Variants in CFDP1 observed in about 807,000 individuals in gnomAD.
The protein encoded by CFDP1 is chromatin remodeling protein CFDP1, also known as heterochromatin-stabilizing protein CFDP1.
CFDP1 carries 31 observed loss-of-function variants against 40.1 expected under a neutral mutation model. The observed-to-expected ratio is 0.77, with a 90% confidence interval of 0.58 to 1.04. CFDP1 has a LOEUF of 1.04. Ranked by LOEUF, CFDP1 falls within the 50% of genes least tolerant of loss-of-function variation. The pLI is 0.00. For missense variants in CFDP1, 423 were observed against 343.4 expected (o/e 1.23, Z -1.83); for synonymous variants, 167 against 120.0 (o/e 1.39, Z -2.56).
intron 1 of CFDP1, among the ~76,000 whole-genome samples, chr16:75,432,929 G>A (rs1028859924): frequency 2.0e-5 from 3 of 152,178 alleles, no homozygotes; most frequent in African/African-American, 7.2e-5. Flanking sequence ...TCTCGGGCCA[G>A]GGCTGAAAAA....
At chr16:75,294,811 G>A (rs2078170740) in intron 6 of CFDP1, among the ~76,000 whole-genome samples, 1 of 152,242 alleles carries the variant, frequency 6.6e-6, no homozygotes, top group South Asian at 2.1e-4. Context: ...TGGACACTCT[G>A]CTCCCTAATC....
chr16:75,411,692 T>A, intron 4 of CFDP1, 133 bp downstream of exon 4: 3 of 877,622 alleles, frequency 3.4e-6, no homozygotes. Context: ...TAGAGCCAGT[T>A]TTCCTTGAGT....
intron 1 of CFDP1, among the ~76,000 whole-genome samples, chr16:75,429,497 T>C (rs892573959): frequency 3.9e-5 from 6 of 152,132 alleles, no homozygotes; most frequent in African/African-American, 1.4e-4. Flanking sequence ...CTACTAAAAA[T>C]ACAAAAATTA....
At position 75,416,264 on chromosome 16, in the gene CFDP1, G is replaced by A. The variant is rs374543080; in HGVS notation, c.65-1569C>T. Reference sequence around the variant, plus strand: ...AAGACAAACAGAAAGGAATTCAGAGGAAACAAAATTAGTGCAGAAAGAGGG... The same window carrying A: ...AAGACAAACAGAAAGGAATTCAGAGAAAACAAAATTAGTGCAGAAAGAGGG... On this transcript the variant is annotated intron_variant, in intron 1 of 6. Transcript: ENST00000283882. Among the ~76,000 whole-genome samples the A allele has an allele frequency of 1.3e-4, 20 of 152,142 alleles. 3 individuals carry two copies. The highest frequency in any genetic ancestry group is 6.6e-4 in the Admixed American group (10 of 15,254).
At chr16:75,420,439 A>C (rs2151594905) in intron 1 of CFDP1, among the ~76,000 whole-genome samples, 1 of 152,364 alleles carries the variant, frequency 6.6e-6, no homozygotes, top group Non-Finnish European at 1.5e-5. Context: ...CAACGCCATG[A>C]GGGAATAACC....
chr16:75,389,426 T>C (rs1294891462), intron 5 of CFDP1, among the ~76,000 whole-genome samples: 1 of 152,248 alleles, frequency 6.6e-6, no homozygotes, highest in African/African-American at 2.4e-5. Context: ...TGGCTTTTTA[T>C]AGCCTAAGCA....
intron 4 of CFDP1, among the ~76,000 whole-genome samples, chr16:75,403,036 T>G (rs1567673659): frequency 6.6e-6 from 1 of 152,172 alleles, no homozygotes; most frequent in Non-Finnish European, 1.5e-5. Context: ...ATTTCTTTGT[T>G]TTGTTTTTTA....
intron 4 of CFDP1, among the ~76,000 whole-genome samples, chr16:75,408,128 G>C (rs959810654): frequency 1.1e-4 from 15 of 142,708 alleles, no homozygotes; most frequent in African/African-American, 3.8e-4. Flanking sequence ...GGAAGGAAGG[G>C]AGAGAGGGAG....
At chr16:75,369,262 A>G (rs1439321714) in intron 5 of CFDP1, among the ~76,000 whole-genome samples, 2 of 152,170 alleles carry the variant, frequency 1.3e-5, no homozygotes, top group African/African-American at 2.4e-5. Flanking sequence ...CTTAAAATAC[A>G]TATTGCAGGC....
Position 75,293,797 on chromosome 16 carries a change from T to C in CFDP1, c.*155A>G, listed in dbSNP as rs965262736. On this transcript the variant is annotated 3_prime_UTR_variant, in exon 7 of 7. Coordinates refer to ENST00000283882, the MANE Select transcript of CFDP1 (RefSeq NM_006324.3). ...TTTAAAAGTAAAGTGAATGAAACCA[T>C]TTGTGATTAAGATACATAGACAGAA... 5.0e-6 allele frequency: 3 copies of C among 605,160 alleles called. No homozygotes were observed. The highest frequency in any genetic ancestry group is 3.1e-5 in the Admixed American group (1 of 31,976). The allele number at this position is 605,160 out of a possible 1,614,324, so 37.5% of individuals were successfully genotyped here.
At chr16:75,360,367 A>G (rs1359750814) in intron 5 of CFDP1, among the ~76,000 whole-genome samples, 3 of 152,266 alleles carry the variant, frequency 2.0e-5, no homozygotes, top group Non-Finnish European at 4.4e-5. Context: ...GGACAAAGGA[A>G]TCAGCTCAAA....
chr16:75,301,715 C>T (rs1166293735), intron 6 of CFDP1: 3 of 151,756 alleles, frequency 2.0e-5, no homozygotes, highest in African/African-American at 7.3e-5. Flanking sequence ...ATGAGAATCA[C>T]CTGAGAAGTA....
intron 5 of CFDP1, among the ~76,000 whole-genome samples, chr16:75,360,125 C>T (rs920868259): frequency 6.6e-6 from 1 of 152,152 alleles, no homozygotes; most frequent in East Asian, 1.9e-4. Context: ...CTTCTGGCCT[C>T]AAGCAATCCT....
At chr16:75,397,038 C>T (rs867666099) in intron 4 of CFDP1, among the ~76,000 whole-genome samples, 2 of 152,110 alleles carry the variant, frequency 1.3e-5, no homozygotes, top group South Asian at 4.2e-4. Flanking sequence ...CTCAGCCTCC[C>T]AAGCAGCTGG....
At position 75,393,869 on chromosome 16, in the gene CFDP1, C is replaced by G. The variant is rs1435876061; in HGVS notation, c.650+1221G>C. The stretch of plus-strand genomic sequence containing the variant: ...GGTCAGGAGATCAAGACCATCCTGG[C>G]TAACACAGTGAAACCTCGTCTCTAC... On this transcript the variant is annotated intron_variant, in intron 5 of 6. Transcript: ENST00000283882. Among the ~76,000 whole-genome samples, 7 of 151,734 alleles carry G rather than the reference C, an allele frequency of 4.6e-5. No individual in the cohort carries two copies. In the East Asian group the frequency reaches 1.2e-3, roughly 25 times the overall value.
At chr16:75,404,869 C>A (rs1004153388) in intron 4 of CFDP1, among the ~76,000 whole-genome samples, 7 of 152,144 alleles carry the variant, frequency 4.6e-5, no homozygotes, top group African/African-American at 1.7e-4. Context: ...CTCCATAGCA[C>A]AACGGATAGC....
At chr16:75,352,116 G>A (rs2078617017) in intron 5 of CFDP1, among the ~76,000 whole-genome samples, 1 of 151,856 alleles carries the variant, frequency 6.6e-6, no homozygotes, top group Admixed American at 6.6e-5. Flanking sequence ...TGAGGTGGGT[G>A]GATTACTTGA....
intron 5 of CFDP1, among the ~76,000 whole-genome samples, chr16:75,385,189 C>G (rs1052853138): frequency 2.0e-5 from 3 of 151,676 alleles, no homozygotes; most frequent in African/African-American, 7.3e-5. Context: ...AGATATTATT[C>G]CAGGCCAAGG....
At chr16:75,341,496 T>C (rs1375807544) in intron 5 of CFDP1, among the ~76,000 whole-genome samples, 3 of 152,280 alleles carry the variant, frequency 2.0e-5, no homozygotes, top group East Asian at 3.9e-4. Context: ...TGGTAGTTTT[T>C]CTCCAAAATA....
Sources: gnomAD v4.1 joint callset for allele counts (sites outside exome capture counted in the v4.1 genomes callset) on GRCh38, gnomAD v4.1.1 for gene constraint, MANE v1.5 for transcripts, NCBI Gene and HGNC (gene_info 2026-07-23, HGNC 2026-07-21) for gene names.